Variants in ZCCHC7 observed in about 807,000 individuals in gnomAD.
ZCCHC7 encodes the protein zinc finger CCHC domain-containing protein 7.
A neutral mutation model predicts 52.0 loss-of-function variants in ZCCHC7; 35 were observed. The ratio of observed to expected loss-of-function variants is 0.67; its 90% CI spans 0.51 to 0.89. The LOEUF is 0.89. Among genes scored for constraint, ZCCHC7 ranks in the 40% least tolerant of loss-of-function variants. The probability of loss-of-function intolerance (pLI) is 0.00; values close to 1 mark genes in which losing one functional copy is unlikely to be tolerated. For missense variants in ZCCHC7, 574 were observed against 649.1 expected (o/e 0.88, Z 1.26); for synonymous variants, 217 against 221.5 (o/e 0.98, Z 0.18).
At chr9:37,141,286 A>T (rs911071181) in intron 2 of ZCCHC7, among the ~76,000 whole-genome samples, 1 of 150,656 alleles carries the variant, frequency 6.6e-6, no homozygotes, top group Admixed American at 6.6e-5. Flanking sequence ...ATTGCTAAAG[A>T]AAAAGGGGAA....
At chr9:37,205,645 T>C (rs1823866037) in intron 2 of ZCCHC7, among the ~76,000 whole-genome samples, 2 of 152,178 alleles carry the variant, frequency 1.3e-5, no homozygotes, top group South Asian at 4.1e-4. Context: ...GCCTCCTGAG[T>C]AGCTGGAATT....
chr9:37,135,536 T>C (rs1842962144), intron 2 of ZCCHC7, among the ~76,000 whole-genome samples: 1 of 152,204 alleles, frequency 6.6e-6, no homozygotes, highest in African/African-American at 2.4e-5. Context: ...TTTGTGTCAA[T>C]GTAGAGCTCC....
At chr9:37,138,513 C>G (rs1030038214) in intron 2 of ZCCHC7, among the ~76,000 whole-genome samples, 3 of 151,738 alleles carry the variant, frequency 2.0e-5, no homozygotes, top group Non-Finnish European at 4.4e-5. Context: ...TGTTAAGTAC[C>G]CAGGGAGAGA....
chr9:37,289,897 G>A (rs898183629), intron 2 of ZCCHC7, among the ~76,000 whole-genome samples: 1 of 152,134 alleles, frequency 6.6e-6, no homozygotes, highest in East Asian at 1.9e-4. Context: ...CTACTGCCTA[G>A]AATGCTCTTA....
chr9:37,266,590 C>G (rs973992771), intron 2 of ZCCHC7, among the ~76,000 whole-genome samples: 1 of 152,044 alleles, frequency 6.6e-6, no homozygotes. Flanking sequence ...AAAATGTCTA[C>G]CAGCTTGGCA....
At position 37,348,409 on chromosome 9, in the gene ZCCHC7, C is replaced by T. The variant is rs114580020; in HGVS notation, c.988-948C>T. On this transcript the variant is annotated intron_variant, in intron 6 of 8. Coordinates refer to ENST00000336755, the MANE Select transcript of ZCCHC7 (RefSeq NM_032226.3). ...TTCTTTCTTTTTTGACATGGAGTCT[C>T]GCTTTTGTCGCTCAGGCTGGAGTGC... 8.9e-3 allele frequency among the ~76,000 whole-genome samples: 854 copies of T among 96,060 alleles called. 10 individuals carry two copies. Among genetic ancestry groups the T allele is most frequent in the African/African-American group, 0.039 (809 of 20,672 alleles). 63.0% of individuals were successfully genotyped at this position (96,060 alleles called of 152,430 possible). A position where few individuals can be genotyped will look rare whatever the true frequency, so the allele number is the denominator to read the frequency against.
chr9:37,196,390 G>A (rs992033960), intron 2 of ZCCHC7, among the ~76,000 whole-genome samples: 2 of 152,194 alleles, frequency 1.3e-5, no homozygotes, highest in East Asian at 1.9e-4. Context: ...TTAATAGTAC[G>A]TCCTTTGTCA....
chr9:37,224,815 C>T (rs1825011121), intron 2 of ZCCHC7, among the ~76,000 whole-genome samples: 1 of 152,142 alleles, frequency 6.6e-6, no homozygotes, highest in African/African-American at 2.4e-5. Context: ...AGAGTCTGAG[C>T]GAATACTCAT....
chr9:37,242,771 A>G (rs1825927847), intron 2 of ZCCHC7, among the ~76,000 whole-genome samples: 1 of 151,844 alleles, frequency 6.6e-6, no homozygotes, highest in Admixed American at 6.6e-5. Context: ...TACATTTTAC[A>G]TTTACATATT....
At chr9:37,195,995 A>C (rs1208889786) in intron 2 of ZCCHC7, among the ~76,000 whole-genome samples, 1 of 152,194 alleles carries the variant, frequency 6.6e-6, no homozygotes, top group Non-Finnish European at 1.5e-5. Context: ...GGCCCAGTCC[A>C]CTTTAGTTTT....
At chr9:37,338,120 C>A (rs1830760087) in intron 6 of ZCCHC7, among the ~76,000 whole-genome samples, 1 of 152,020 alleles carries the variant, frequency 6.6e-6, no homozygotes, top group Admixed American at 6.6e-5. Context: ...TACTGTGTTG[C>A]GTGTGTTCAT....
chr9:37,262,536 C>T (rs1288640340), intron 2 of ZCCHC7, among the ~76,000 whole-genome samples: 1 of 152,006 alleles, frequency 6.6e-6, no homozygotes. Context: ...TATAGTGTCC[C>T]CTTGTTTGCA....
chr9:37,294,065 T>C (rs1306285144), intron 2 of ZCCHC7, among the ~76,000 whole-genome samples: 1 of 152,202 alleles, frequency 6.6e-6, no homozygotes, highest in Non-Finnish European at 1.5e-5. Flanking sequence ...TATTGCCACT[T>C]ATACAGTGAA....
chr9:37,200,681 A>G (rs954846325), intron 2 of ZCCHC7, among the ~76,000 whole-genome samples: 2 of 152,228 alleles, frequency 1.3e-5, no homozygotes, highest in African/African-American at 2.4e-5. Flanking sequence ...TGAAGAGTCA[A>G]ATAAGAAATT....
chr9:37,275,958 T>A (rs1827666280), intron 2 of ZCCHC7, among the ~76,000 whole-genome samples: 1 of 152,206 alleles, frequency 6.6e-6, no homozygotes, highest in African/African-American at 2.4e-5. Context: ...GCTGGCAAAC[T>A]CTTTTTTCAA....
intron 5 of ZCCHC7, among the ~76,000 whole-genome samples, chr9:37,312,999 A>C (rs1184201778): frequency 6.6e-6 from 1 of 152,082 alleles, no homozygotes; most frequent in African/African-American, 2.4e-5. Flanking sequence ...GAAAAGAAAA[A>C]CTCATCTCTG....
intron 2 of ZCCHC7, among the ~76,000 whole-genome samples, chr9:37,248,246 A>G (rs987604297): frequency 3.3e-5 from 5 of 152,280 alleles, no homozygotes; most frequent in Admixed American, 3.3e-4. Context: ...ACCTAATTTT[A>G]TTTTTGAACA....
At chr9:37,299,471 G>T (rs1412174678) in intron 2 of ZCCHC7, among the ~76,000 whole-genome samples, 1 of 152,140 alleles carries the variant, frequency 6.6e-6, no homozygotes, top group Admixed American at 6.5e-5. Context: ...CAGCAAATTA[G>T]CGGCACAGTT....
At chr9:37,342,912 A>G (rs1337794798) in intron 6 of ZCCHC7, among the ~76,000 whole-genome samples, 1 of 152,232 alleles carries the variant, frequency 6.6e-6, no homozygotes, top group Non-Finnish European at 1.5e-5. Context: ...TTATCAGAGC[A>G]TCTGGGTCTT....
Sources: allele counts gnomAD v4.1 joint callset (sites outside exome capture counted in the v4.1 genomes callset), GRCh38; gene constraint gnomAD v4.1.1; transcripts MANE v1.5; gene names NCBI Gene and HGNC (gene_info 2026-07-23, HGNC 2026-07-21).